The following TTLL11 variants were observed in gnomAD, a reference collection of about 807,000 sequenced individuals.
TTLL11 encodes the protein tubulin polyglutamylase TTLL11.
A neutral mutation model predicts 51.7 loss-of-function variants in TTLL11; 42 were observed. The ratio of observed to expected loss-of-function variants is 0.81; its 90% CI spans 0.64 to 1.05. TTLL11 has a LOEUF of 1.05. Ranked by LOEUF, TTLL11 falls within the 50% of genes least tolerant of loss-of-function variation. The pLI is 0.00. For missense variants in TTLL11, 799 were observed against 940.4 expected (o/e 0.85, Z 1.97); for synonymous variants, 381 against 383.5 (o/e 0.99, Z 0.08).
At chr9:121,845,208 C>T (rs574894269) in intron 8 of TTLL11, among the ~76,000 whole-genome samples, 24 of 152,178 alleles carry the variant, frequency 1.6e-4, no homozygotes, top group African/African-American at 5.8e-4. Flanking sequence ...AAGAATTACA[C>T]CAGCCATCTC....
chr9:121,860,248 T>G (rs896104576), intron 8 of TTLL11, 89 bp downstream of exon 8: 1 of 996,148 alleles, frequency 1.0e-6, no homozygotes, highest in Non-Finnish European at 1.5e-6. Context: ...TCTTCCCCCA[T>G]CTGAACCCTT....
intron 8 of TTLL11, among the ~76,000 whole-genome samples, chr9:121,838,159 C>T (rs1311845904): frequency 6.6e-6 from 1 of 152,174 alleles, no homozygotes; most frequent in Non-Finnish European, 1.5e-5. Flanking sequence ...CTTCCCTTCC[C>T]AATTCTGTTT....
At chr9:121,925,400 C>T (rs1349358259) in intron 6 of TTLL11, among the ~76,000 whole-genome samples, 1 of 152,194 alleles carries the variant, frequency 6.6e-6, no homozygotes, top group Non-Finnish European at 1.5e-5. Context: ...GGGCCTCCAT[C>T]CATCTCGCCA....
intron 3 of TTLL11, among the ~76,000 whole-genome samples, chr9:122,022,922 A>C (rs1017936025): frequency 4.6e-5 from 7 of 151,958 alleles, no homozygotes; most frequent in Admixed American, 3.9e-4. Flanking sequence ...ACTATAAATA[A>C]AATAGTACTA....
intron 8 of TTLL11, among the ~76,000 whole-genome samples, chr9:121,857,418 C>T (rs1334188249): frequency 1.3e-5 from 2 of 152,288 alleles, no homozygotes; most frequent in Non-Finnish European, 2.9e-5. Flanking sequence ...TTTTGCTGCT[C>T]CCTGGCTGTG....
intron 1 of TTLL11, among the ~76,000 whole-genome samples, chr9:122,080,657 C>T (rs1246948960): frequency 6.6e-6 from 1 of 151,870 alleles, no homozygotes; most frequent in Non-Finnish European, 1.5e-5. Context: ...CATGCTGCTG[C>T]ACTCCAGCCT....
In TTLL11 at chr9:121,911,989, C is replaced by T. The variant is rs138720050; in HGVS notation, c.1482-41241G>A. Among the ~76,000 whole-genome samples, 7 of 152,262 alleles carry T rather than the reference C, an allele frequency of 4.6e-5. No homozygotes were observed. In the East Asian group the frequency reaches 1.4e-3, roughly 29 times the overall value. The stretch of plus-strand genomic sequence containing the variant: ...GAGGGAAGCAGCATACAGGTGATCA[C>T]CCCACTGTATGGATAGGGCATTGGA... On this transcript the variant is annotated intron_variant, in intron 6 of 8. Transcript: ENST00000321582.
At chr9:122,061,670 C>T (rs1845436639) in intron 1 of TTLL11, among the ~76,000 whole-genome samples, 2 of 152,002 alleles carry the variant, frequency 1.3e-5, no homozygotes, top group South Asian at 4.1e-4. Flanking sequence ...TGGAGTCTCA[C>T]TCCGTCGCCC....
intron 8 of TTLL11, among the ~76,000 whole-genome samples, chr9:121,826,005 G>A (rs1199809200): frequency 3.3e-5 from 5 of 151,140 alleles, no homozygotes; most frequent in Non-Finnish European, 7.4e-5. Context: ...GGAAATTCTG[G>A]TGTGTGGAAA....
chr9:121,844,879 T>C (rs1837471151), intron 8 of TTLL11, among the ~76,000 whole-genome samples: 1 of 151,476 alleles, frequency 6.6e-6, no homozygotes, highest in South Asian at 2.1e-4. Flanking sequence ...AGTGGGACAA[T>C]GACAAAAAGT....
At chr9:122,062,943 C>T (rs1845476384) in intron 1 of TTLL11, among the ~76,000 whole-genome samples, 1 of 152,054 alleles carries the variant, frequency 6.6e-6, no homozygotes, top group Non-Finnish European at 1.5e-5. Flanking sequence ...CCACGCCTGG[C>T]TAATTTTGTT....
intron 2 of TTLL11, among the ~76,000 whole-genome samples, chr9:122,037,537 T>C (rs780840072): frequency 6.6e-6 from 1 of 152,218 alleles, no homozygotes; most frequent in Non-Finnish European, 1.5e-5. Context: ...TAGAAAGTCA[T>C]TGCTCTAGGC....
At chr9:121,925,918 C>G (rs986812800) in intron 6 of TTLL11, among the ~76,000 whole-genome samples, 156 of 152,354 alleles carry the variant, frequency 1.0e-3, no homozygotes, top group African/African-American at 3.5e-3. Flanking sequence ...CACAGGCCTG[C>G]TCTTTAGAAC....
chr9:122,024,678 A>C (rs1316495673), intron 3 of TTLL11, among the ~76,000 whole-genome samples: 1 of 152,216 alleles, frequency 6.6e-6, no homozygotes, highest in Non-Finnish European at 1.5e-5. Flanking sequence ...TTGGAAGAGA[A>C]AGATTAGTGT....
intron 8 of TTLL11, among the ~76,000 whole-genome samples, chr9:121,850,840 G>A (rs1271795190): frequency 1.3e-5 from 2 of 152,130 alleles, no homozygotes; most frequent in Non-Finnish European, 2.9e-5. Context: ...TCACGTCCTT[G>A]GTAATTGCCC....
chr9:121,935,024 G>A (rs906039985), intron 6 of TTLL11, among the ~76,000 whole-genome samples: 1 of 151,996 alleles, frequency 6.6e-6, no homozygotes, highest in African/African-American at 2.4e-5. Context: ...GCGCAATCTC[G>A]GCTCACTGCA....
intron 4 of TTLL11, among the ~76,000 whole-genome samples, chr9:121,986,407 G>A (rs1054756737): frequency 2.0e-5 from 3 of 152,310 alleles, no homozygotes; most frequent in South Asian, 2.1e-4. Context: ...ATGGTCCCCC[G>A]GGATGACCCC....
chr9:121,823,393 A>G (rs1836644586), intron 8 of TTLL11, among the ~76,000 whole-genome samples: 1 of 152,178 alleles, frequency 6.6e-6, no homozygotes, highest in Non-Finnish European at 1.5e-5. Context: ...TAAAAGTACA[A>G]AAATTAACTG....
intron 6 of TTLL11, among the ~76,000 whole-genome samples, chr9:121,937,187 C>G (rs867172154): frequency 6.6e-6 from 1 of 152,132 alleles, no homozygotes; most frequent in African/African-American, 2.4e-5. Context: ...TCTCGTAAAG[C>G]AATTGTGAGG....
Sources: gnomAD v4.1 joint callset for allele counts (sites outside exome capture counted in the v4.1 genomes callset) on GRCh38, gnomAD v4.1.1 for gene constraint, MANE v1.5 for transcripts, NCBI Gene and HGNC (gene_info 2026-07-23, HGNC 2026-07-21) for gene names.